The following SENP6 variants were observed in gnomAD, a reference collection of about 807,000 sequenced individuals.
SENP6 encodes SUMO specific peptidase 6.
SENP6 carries 41 observed loss-of-function variants against 134.5 expected under a neutral mutation model. The ratio of observed to expected loss-of-function variants is 0.30; its 90% CI spans 0.24 to 0.40. SENP6 has a LOEUF of 0.40. Ranked by LOEUF, SENP6 falls within the 10% of genes least tolerant of loss-of-function variation. The probability of loss-of-function intolerance (pLI) is 1.00; values close to 1 mark genes in which losing one functional copy is unlikely to be tolerated. For missense variants in SENP6, 1,248 were observed against 1,312.5 expected (o/e 0.95, Z 0.76); for synonymous variants, 395 against 429.8 (o/e 0.92, Z 1.00).
chr6:75,708,001 G>C (rs1192397178), intron 19 of SENP6, among the ~76,000 whole-genome samples: 1 of 152,116 alleles, frequency 6.6e-6, no homozygotes, highest in African/African-American at 2.4e-5. Context: ...GTGCTTCATT[G>C]GTTTATCGGT....
At chr6:75,625,112 CTT>C (rs34953351) in intron 3 of SENP6, among the ~76,000 whole-genome samples, 4 of 112,172 alleles carry the variant, frequency 3.6e-5, no homozygotes, top group African/African-American at 1.4e-4. Flanking sequence ...TGTGTGTGTC[CTT>C]TTTTTTTTTT....
intron 11 of SENP6, among the ~76,000 whole-genome samples, chr6:75,672,122 A>G (rs1772727632): frequency 2.6e-5 from 4 of 152,194 alleles, no homozygotes; most frequent in African/African-American, 9.6e-5. Context: ...CATACTGCAG[A>G]CTGTCTTTCC....
intron 20 of SENP6, among the ~76,000 whole-genome samples, chr6:75,710,775 A>T (rs1443596246): frequency 2.0e-5 from 3 of 152,310 alleles, no homozygotes; most frequent in African/African-American, 7.2e-5. Flanking sequence ...TGACCAAAAA[A>T]GCCTTGTTTA....
In SENP6 at chr6:75,636,657, A is replaced by G. The variant is rs1461855606; in HGVS notation, c.458+1846A>G. Among the ~76,000 whole-genome samples, 3 of 152,172 alleles carry G rather than the reference A, an allele frequency of 2.0e-5. No individual in the cohort carries two copies. The South Asian group carries it at 6.2e-4, about 32-fold the overall frequency. On this transcript the variant is annotated intron_variant, in intron 5 of 23. Coordinates refer to ENST00000447266, the MANE Select transcript of SENP6 (RefSeq NM_015571.4). ...GTGTAGTAAAAACTACAGAGAAGGG[A>G]ACAAGAATTTATAAAGGAAACATTA...
At chr6:75,692,849 A>G (rs538840351) in intron 16 of SENP6, among the ~76,000 whole-genome samples, 36 of 151,906 alleles carry the variant, frequency 2.4e-4, no homozygotes, top group Non-Finnish European at 4.9e-4. Flanking sequence ...AGACCACCTG[A>G]GCCCAGAAGT....
chr6:75,647,921 C>A, intron 7 of SENP6, 120 bp downstream of exon 7: 1 of 620,792 alleles, frequency 1.6e-6, no homozygotes, highest in Non-Finnish European at 2.6e-6. Context: ...ATGTAGAAAA[C>A]CATTTTTTTG....
chr6:75,665,667 A>G (rs960520783), intron 9 of SENP6, among the ~76,000 whole-genome samples: 1 of 152,192 alleles, frequency 6.6e-6, no homozygotes, highest in Non-Finnish European at 1.5e-5. Context: ...TATTGAACAT[A>G]AGGCACTGGT....
intron 7 of SENP6, among the ~76,000 whole-genome samples, chr6:75,656,835 G>A (rs1212399473): frequency 6.6e-6 from 1 of 152,062 alleles, no homozygotes; most frequent in East Asian, 1.9e-4. Context: ...GTAGGGATCA[G>A]AATTTTAATG....
chr6:75,679,954 T>G (rs1773350732), intron 16 of SENP6: 1 of 152,152 alleles, frequency 6.6e-6, no homozygotes, highest in African/African-American at 2.4e-5. Context: ...AAGAGCAAAG[T>G]TTTGATCAGA....
intron 1 of SENP6, among the ~76,000 whole-genome samples, chr6:75,613,902 G>A (rs1174974159): frequency 6.6e-6 from 1 of 152,100 alleles, no homozygotes; most frequent in Non-Finnish European, 1.5e-5. Context: ...AAAAATTCTG[G>A]TTCAGGATCT....
intron 18 of SENP6, among the ~76,000 whole-genome samples, chr6:75,699,163 A>G (rs1435546202): frequency 6.6e-6 from 1 of 152,120 alleles, no homozygotes; most frequent in Non-Finnish European, 1.5e-5. Context: ...TTTAAATAGA[A>G]ATATTATTTG....
At chr6:75,641,774 TCCAG>T (rs1209986575) in intron 6 of SENP6, among the ~76,000 whole-genome samples, 1 of 152,116 alleles carries the variant, frequency 6.6e-6, no homozygotes, top group African/African-American at 2.4e-5. Flanking sequence ...GCCCAGGAGT[TCCAG>T]ACTAGCCTTG....
chr6:75,716,808 T>C lies in SENP6; in HGVS notation c.*1214T>C, dbSNP rs1776040988. The C allele has an allele frequency of 6.6e-6, 1 of 151,998 alleles. No individual in the cohort carries two copies. The highest frequency in any genetic ancestry group is 2.1e-4 in the South Asian group (1 of 4,836). 9.4% of individuals were successfully genotyped at this position (151,998 alleles called of 1,614,324 possible). ...AATATTGAATTTTTAAATACACATA[T>C]ATCAAAAATAGTTGAGAATAAAAAG... On this transcript the variant is annotated 3_prime_UTR_variant, in exon 24 of 24. Coordinates refer to ENST00000447266, the MANE Select transcript of SENP6 (RefSeq NM_015571.4).
At chr6:75,689,675 A>G (rs1268026106) in intron 16 of SENP6, among the ~76,000 whole-genome samples, 2 of 152,178 alleles carry the variant, frequency 1.3e-5, no homozygotes, top group African/African-American at 4.8e-5. Flanking sequence ...TTCTCTGGGC[A>G]CACAAATAGT....
At chr6:75,703,113 A>G (rs1300568475) in intron 19 of SENP6, 41 bp downstream of exon 19, 4 of 1,430,198 alleles carry the variant, frequency 2.8e-6, no homozygotes, top group South Asian at 1.4e-5. Context: ...AAAATTCAGA[A>G]TAATCTGGAT....
chr6:75,701,564 C>G (rs1444197538), intron 18 of SENP6, among the ~76,000 whole-genome samples: 1 of 140,026 alleles, frequency 7.1e-6, no homozygotes, highest in Non-Finnish European at 1.5e-5. Context: ...AAGAACAAAA[C>G]TATATATGCA....
chr6:75,682,173 C>T (rs1180170763), intron 16 of SENP6, among the ~76,000 whole-genome samples: 1 of 151,884 alleles, frequency 6.6e-6, no homozygotes, highest in Non-Finnish European at 1.5e-5. Context: ...AAGGAATGAT[C>T]CACCAAGAAA....
chr6:75,679,008 T>C (rs938840101), intron 16 of SENP6, 81 bp downstream of exon 16: 4 of 711,938 alleles, frequency 5.6e-6, no homozygotes, highest in African/African-American at 3.7e-5. Context: ...AGAGTCAGGC[T>C]TTTTGAGTTT....
chr6:75,617,576 C>T (rs901610641), intron 1 of SENP6, among the ~76,000 whole-genome samples: 3 of 152,084 alleles, frequency 2.0e-5, no homozygotes, highest in Admixed American at 2.0e-4. Flanking sequence ...CTGTGCCCGG[C>T]CGGTTTAGAG....
Sources: allele counts gnomAD v4.1 joint callset (sites outside exome capture counted in the v4.1 genomes callset), GRCh38; gene constraint gnomAD v4.1.1; transcripts MANE v1.5; gene names NCBI Gene and HGNC (gene_info 2026-07-23, HGNC 2026-07-21).